The following CFAP299 variants were observed in gnomAD, a reference collection of about 807,000 sequenced individuals.
CFAP299 encodes the protein cilia and flagella associated protein 299, also known as cilia- and flagella-associated protein 299.
CFAP299 carries 21 observed loss-of-function variants against 27.0 expected under a neutral mutation model. The ratio of observed to expected loss-of-function variants is 0.78; its 90% confidence interval spans 0.55 to 1.12. The LOEUF is 1.12. Ranked by LOEUF, CFAP299 falls within the 50% of genes most tolerant of loss-of-function variation. The pLI, the probability that CFAP299 is intolerant of heterozygous loss-of-function variation, is 0.00. For missense variants in CFAP299, 310 were observed against 276.6 expected (o/e 1.12, Z -0.86); for synonymous variants, 104 against 98.1 (o/e 1.06, Z -0.36).
Position 80,842,722 on chromosome 4 carries a change from C to T in CFAP299, c.334-27271C>T, listed in dbSNP as rs900912964. Among the ~76,000 whole-genome samples, 3 of 152,212 alleles carry T rather than the reference C, an allele frequency of 2.0e-5. No homozygotes were observed. In the South Asian group the frequency reaches 6.2e-4, roughly 32 times the overall value. On this transcript the variant is annotated intron_variant, in intron 3 of 5. Transcript: ENST00000358105. ...ACCTTTGGCACCTAAGTAACAGCTG[C>T]CCCTTCACGTGATTAGGCTATGACA...
chr4:80,432,430 C>A (rs962837162), intron 2 of CFAP299, among the ~76,000 whole-genome samples: 2 of 151,658 alleles, frequency 1.3e-5, no homozygotes, highest in South Asian at 2.1e-4. Flanking sequence ...GGATTACAGG[C>A]GTGAGCAACC....
intron 3 of CFAP299, among the ~76,000 whole-genome samples, chr4:80,647,192 A>T (rs1740067151): frequency 6.6e-6 from 1 of 152,174 alleles, no homozygotes; most frequent in South Asian, 2.1e-4. Flanking sequence ...TTTTATCATT[A>T]TACTCCCAGA....
At chr4:80,847,515 TGGTG>T (rs1056319900) in intron 3 of CFAP299, among the ~76,000 whole-genome samples, 16 of 152,198 alleles carry the variant, frequency 1.1e-4, no homozygotes, top group African/African-American at 3.9e-4. Flanking sequence ...ATATCCCTTG[TGGTG>T]ACCCTACATG....
At chr4:80,352,958 G>T (rs1317038427) in intron 1 of CFAP299, among the ~76,000 whole-genome samples, 9 of 152,092 alleles carry the variant, frequency 5.9e-5, no homozygotes, top group Admixed American at 5.9e-4. Context: ...TTTATATGGG[G>T]AAAGGAGAAA....
intron 3 of CFAP299, among the ~76,000 whole-genome samples, chr4:80,714,058 C>T (rs1014640602): frequency 5.3e-5 from 8 of 152,072 alleles, no homozygotes; most frequent in Admixed American, 4.6e-4. Flanking sequence ...TGCTTCTTCA[C>T]CTTTATTCCT....
At chr4:80,602,786 A>G (rs1440069015) in intron 3 of CFAP299, among the ~76,000 whole-genome samples, 2 of 152,154 alleles carry the variant, frequency 1.3e-5, no homozygotes, top group Non-Finnish European at 2.9e-5. Flanking sequence ...CCCGTTGCAG[A>G]TCGCAAAGCT....
intron 3 of CFAP299, among the ~76,000 whole-genome samples, chr4:80,729,519 T>G: frequency 6.6e-6 from 1 of 151,990 alleles, no homozygotes; most frequent in East Asian, 1.9e-4. Context: ...CTGAGGGAAG[T>G]ATGCTGCCGT....
intron 3 of CFAP299, among the ~76,000 whole-genome samples, chr4:80,674,994 T>C (rs1719342525): frequency 6.6e-6 from 1 of 151,278 alleles, no homozygotes; most frequent in South Asian, 2.1e-4. Context: ...GAGAAGTTTG[T>C]TATTACCGAC....
intron 3 of CFAP299, among the ~76,000 whole-genome samples, chr4:80,602,008 G>T (rs566087643): frequency 6.6e-6 from 1 of 152,166 alleles, no homozygotes; most frequent in Non-Finnish European, 1.5e-5. Context: ...GGAGCTAAAT[G>T]ATGAGAACAC....
At chr4:80,828,091 AC>A (rs1229182733) in intron 3 of CFAP299, among the ~76,000 whole-genome samples, 1 of 152,076 alleles carries the variant, frequency 6.6e-6, no homozygotes, top group African/African-American at 2.4e-5. Flanking sequence ...GGAGCGAAAG[AC>A]AGTATTGATA....
chr4:80,890,026 T>C (rs1360735709), intron 4 of CFAP299, among the ~76,000 whole-genome samples: 1 of 152,094 alleles, frequency 6.6e-6, no homozygotes, highest in Non-Finnish European at 1.5e-5. Flanking sequence ...TCATACTGAA[T>C]GAGGTAAAAC....
At chr4:80,901,254 C>T (rs1032353508) in intron 4 of CFAP299, among the ~76,000 whole-genome samples, 1 of 152,126 alleles carries the variant, frequency 6.6e-6, no homozygotes, top group African/African-American at 2.4e-5. Flanking sequence ...ATGACTAGAA[C>T]ACGCATGTGC....
chr4:80,482,707 A>G (rs1730627294), intron 2 of CFAP299, among the ~76,000 whole-genome samples: 1 of 152,130 alleles, frequency 6.6e-6, no homozygotes, highest in Non-Finnish European at 1.5e-5. Flanking sequence ...ACTAACAACA[A>G]TTCTGCAAAG....
At chr4:80,391,560 T>A (rs1725483334) in intron 2 of CFAP299, among the ~76,000 whole-genome samples, 1 of 152,216 alleles carries the variant, frequency 6.6e-6, no homozygotes, top group Non-Finnish European at 1.5e-5. Context: ...CCCATATGAT[T>A]ATAATGAACC....
chr4:80,677,502 A>G (rs1388460153), intron 3 of CFAP299, among the ~76,000 whole-genome samples: 1 of 152,052 alleles, frequency 6.6e-6, no homozygotes, highest in Admixed American at 6.5e-5. Flanking sequence ...TCATCTTTCC[A>G]TAGCTAAAGC....
chr4:80,392,488 C>T (rs927361704), intron 2 of CFAP299, among the ~76,000 whole-genome samples: 2 of 152,102 alleles, frequency 1.3e-5, no homozygotes, highest in Non-Finnish European at 2.9e-5. Flanking sequence ...GGGAGTGGTT[C>T]CTCCATGCTG....
intron 2 of CFAP299, among the ~76,000 whole-genome samples, chr4:80,514,739 T>C (rs1296246059): frequency 5.3e-5 from 8 of 152,088 alleles, no homozygotes; most frequent in Non-Finnish European, 8.8e-5. Context: ...TTCTAGTTGA[T>C]AAGAAAGAGT....
intron 3 of CFAP299, among the ~76,000 whole-genome samples, chr4:80,661,559 T>C (rs1388643525): frequency 1.3e-5 from 2 of 152,214 alleles, no homozygotes. Context: ...TGATTTCCTA[T>C]GCCTATCTTT....
intron 3 of CFAP299, among the ~76,000 whole-genome samples, chr4:80,660,080 C>T (rs1740762427): frequency 6.6e-6 from 1 of 152,044 alleles, no homozygotes; most frequent in African/African-American, 2.4e-5. Flanking sequence ...TAGAGCATCA[C>T]ATATTAAAAT....
Sources: gnomAD v4.1 joint callset for allele counts (sites outside exome capture counted in the v4.1 genomes callset) on GRCh38, gnomAD v4.1.1 for gene constraint, MANE v1.5 for transcripts, NCBI Gene and HGNC (gene_info 2026-07-23, HGNC 2026-07-21) for gene names.